Variants in ZNF718 observed in about 807,000 individuals in gnomAD.
The protein encoded by ZNF718 is zinc finger protein 718.
A neutral mutation model predicts 2.6 loss-of-function variants in ZNF718; 3 were observed. The ratio of observed to expected loss-of-function variants is 1.16; its 90% CI spans 0.53 to 3.01. The LOEUF (loss-of-function observed/expected upper bound fraction) is 3.01, where lower values mean the gene tolerates loss of function less well. Ranked by LOEUF, ZNF718 falls within the 30% of genes most tolerant of loss-of-function variation. The pLI, the probability that ZNF718 is intolerant of heterozygous loss-of-function variation, is 0.03. For synonymous variants in ZNF718, 135 were observed against 77.9 expected (o/e 1.73, Z -3.86); for missense variants, 468 against 230.0 (o/e 2.03, Z -6.69).
chr4:133,796 GATAA>G (rs1339518160), intron 3 of ZNF718, among the ~76,000 whole-genome samples: 1 of 152,124 alleles, frequency 6.6e-6, no homozygotes, highest in African/African-American at 2.4e-5. Flanking sequence ...GGATTTTTCT[GATAA>G]ATAAAAATTG....
chr4:174,473 T>C (rs1242756571), intron 3 of ZNF718, among the ~76,000 whole-genome samples: 2 of 152,188 alleles, frequency 1.3e-5, no homozygotes, highest in East Asian at 3.8e-4. Flanking sequence ...TCTTGTCACT[T>C]TGGGAGAGAC....
chr4:188,862 A>C (rs1717625725), intron 3 of ZNF718, among the ~76,000 whole-genome samples: 1 of 152,034 alleles, frequency 6.6e-6, no homozygotes, highest in Non-Finnish European at 1.5e-5. Flanking sequence ...ATCTATCCTT[A>C]TAGTAGTACC....
intron 3 of ZNF718, among the ~76,000 whole-genome samples, chr4:184,316 A>G (rs1717523165): frequency 1.3e-5 from 2 of 152,018 alleles, no homozygotes; most frequent in African/African-American, 4.8e-5. Flanking sequence ...ACATATATCG[A>G]TTTGTGTATG....
chr4:156,578 G>T (rs1285476559), intron 3 of ZNF718, among the ~76,000 whole-genome samples: 1 of 152,070 alleles, frequency 6.6e-6, no homozygotes, highest in African/African-American at 2.4e-5. Context: ...TCTCTAGAAT[G>T]TGTCTTGCAA....
At chr4:182,211 T>C (rs1717480818) in intron 3 of ZNF718, among the ~76,000 whole-genome samples, 1 of 152,158 alleles carries the variant, frequency 6.6e-6, no homozygotes. Flanking sequence ...AAATGGTATT[T>C]CTTCCTCTAG....
At chr4:170,961 C>T (rs946252710) in intron 3 of ZNF718, among the ~76,000 whole-genome samples, 9 of 152,168 alleles carry the variant, frequency 5.9e-5, no homozygotes, top group African/African-American at 2.2e-4. Context: ...TCCGTTTTTC[C>T]CCCATCTTTG....
intron 3 of ZNF718, among the ~76,000 whole-genome samples, chr4:182,641 C>T (rs1233945750): frequency 6.6e-6 from 1 of 152,006 alleles, no homozygotes; most frequent in Non-Finnish European, 1.5e-5. Context: ...ACCATGTGGC[C>T]AGGCTGGTGT....
chr4:132,722 A>G lies in ZNF718; in HGVS notation c.226+1217A>G, dbSNP rs1281059546. Reference sequence around the variant, plus strand: ...TAAGTGTTTTCCTAAATATGAAAAAATGTAATTTTATTTTACTTCAAAATG... The same window carrying G: ...TAAGTGTTTTCCTAAATATGAAAAAGTGTAATTTTATTTTACTTCAAAATG... On this transcript the variant is annotated intron_variant, in intron 3 of 3. Coordinates refer to ENST00000510175, the MANE Select transcript of ZNF718 (RefSeq NM_001039127.6). Among the ~76,000 whole-genome samples, 9 of 104,634 alleles carry G rather than the reference A, an allele frequency of 8.6e-5. 4 individuals are homozygous for G. The highest frequency in any genetic ancestry group is 1.3e-4 in the Non-Finnish European group (6 of 46,898). 68.6% of individuals were successfully genotyped at this position (104,634 alleles called of 152,430 possible). A position where few individuals can be genotyped will look rare whatever the true frequency, so the allele number is the denominator to read the frequency against.
At chr4:153,211 G>T (rs561892629) in intron 3 of ZNF718, among the ~76,000 whole-genome samples, 1 of 151,986 alleles carries the variant, frequency 6.6e-6, no homozygotes, top group East Asian at 1.9e-4. Context: ...AGACATCTTT[G>T]TTTAAAATCC....
Position 131,418 on chromosome 4 carries a change from A to G in ZNF718, c.139A>G (p.Ile47Val), listed in dbSNP as rs1339820121. The change falls in exon 3 of 4, where the codon ATC becomes GTC. Residue 47 changes from isoleucine (I) to valine (V), a missense_variant. Coordinates refer to ENST00000510175, the MANE Select transcript of ZNF718 (RefSeq NM_001039127.6). ...YRNLVSLGVS[I>V]SNPDLVTSLE... ...TTTTTTTAATAAAACAGGTGTTAGTATCTCTAACCCAGACCTGGTCACCAG... is the reference window on the plus strand; with the variant it reads ...TTTTTTTAATAAAACAGGTGTTAGTGTCTCTAACCCAGACCTGGTCACCAG... The G allele has an allele frequency of 6.0e-6, 3 of 495,972 alleles. 1 individual carries two copies. Among genetic ancestry groups the G allele is most frequent in the Non-Finnish European group, 9.4e-6 (3 of 317,978 alleles). The allele number at this position is 495,972 out of a possible 1,614,324, so 30.7% of individuals were successfully genotyped here. A position where few individuals can be genotyped will look rare whatever the true frequency, so the allele number is the denominator to read the frequency against.
intron 3 of ZNF718, among the ~76,000 whole-genome samples, chr4:143,187 AAG>A (rs1223600461): frequency 1.3e-5 from 2 of 152,106 alleles, no homozygotes; most frequent in Admixed American, 6.6e-5. Flanking sequence ...CCTAACCAAA[AAG>A]GGGGAATTTC....
Position 197,696 on chromosome 4 carries a change from G to C in ZNF718, c.227-3385G>C, listed in dbSNP as rs139536452. The stretch of plus-strand genomic sequence containing the variant: ...ACTATGGAAGGCACCAAAAATCTCA[G>C]CATAAGGGCAGAACTGCACTCTAAA... On this transcript the variant is annotated intron_variant and NMD_transcript_variant, in intron 3 of 4. Transcript: ENST00000642529. Among the ~76,000 whole-genome samples the C allele has an allele frequency of 2.3e-3, 357 of 152,292 alleles. 2 individuals carry two copies. Among genetic ancestry groups the C allele is most frequent in the African/African-American group, 7.9e-3 (330 of 41,562 alleles).
In ZNF718 at chr4:124,816, T is replaced by C. The variant is rs868993741; in HGVS notation, c.3+143T>C. On this transcript the variant is annotated intron_variant, in intron 1 of 3. Coordinates refer to ENST00000510175, the MANE Select transcript of ZNF718 (RefSeq NM_001039127.6). ...CCCCTCCGGTGAGGGACCCGCGCTC[T>C]TGTCAGTCCCCGTACAGCGGCTCTG... is the stretch of plus-strand genomic sequence containing the variant. The C allele has an allele frequency of 2.7e-6, 3 of 1,128,056 alleles. No individual in the cohort carries two copies. The South Asian group carries it at 4.2e-5, about 16-fold the overall frequency. 69.9% of individuals were successfully genotyped at this position (1,128,056 alleles called of 1,614,324 possible).
At chr4:201,407 T>A (rs1717896833) in intron 4 of ZNF718, 1 of 152,294 alleles carries the variant, frequency 6.6e-6, no homozygotes, top group Admixed American at 6.5e-5. Context: ...AGGAAATGAG[T>A]AGCTTAGTAT....
At chr4:192,725 G>A (rs970197294) in intron 3 of ZNF718, among the ~76,000 whole-genome samples, 1 of 152,218 alleles carries the variant, frequency 6.6e-6, no homozygotes, top group East Asian at 1.9e-4. Flanking sequence ...TGGGTCCACA[G>A]TAGATCTTAG....
intron 3 of ZNF718, among the ~76,000 whole-genome samples, chr4:151,524 A>C (rs1458168077): frequency 6.6e-6 from 1 of 151,648 alleles, no homozygotes; most frequent in Non-Finnish European, 1.5e-5. Context: ...CTGATTGCCC[A>C]GGCTGGAGTG....
At chr4:190,252 A>C (rs1395110628) in intron 3 of ZNF718, among the ~76,000 whole-genome samples, 6 of 152,048 alleles carry the variant, frequency 3.9e-5, no homozygotes, top group Admixed American at 6.6e-5. Context: ...AACACAGTGA[A>C]ACCCCGCCTG....
downstream of ZNF718, among the ~76,000 whole-genome samples, chr4:165,877 T>A (rs1414699726): frequency 6.6e-6 from 1 of 152,198 alleles, no homozygotes; most frequent in Non-Finnish European, 1.5e-5. Flanking sequence ...CTTTTAAGTT[T>A]TAGGGTGCAT....
At chr4:138,096 A>G (rs934167894) in intron 3 of ZNF718, among the ~76,000 whole-genome samples, 2 of 152,214 alleles carry the variant, frequency 1.3e-5, no homozygotes, top group Non-Finnish European at 2.9e-5. Context: ...TATCAGGGTA[A>G]ATGGGTATTC....
Sources: gnomAD v4.1 joint callset for allele counts (sites outside exome capture counted in the v4.1 genomes callset) on GRCh38, gnomAD v4.1.1 for gene constraint, MANE v1.5 for transcripts, NCBI Gene and HGNC (gene_info 2026-07-23, HGNC 2026-07-21) for gene names.